The following ANGPT4 variants were observed in gnomAD, a reference collection of about 807,000 sequenced individuals.
ANGPT4 encodes angiopoietin 4.
A neutral mutation model predicts 53.0 loss-of-function variants in ANGPT4; 50 were observed. The observed-to-expected ratio is 0.94, with a 90% CI of 0.75 to 1.20. ANGPT4 has a LOEUF of 1.20. Ranked by LOEUF, ANGPT4 falls within the 50% of genes most tolerant of loss-of-function variation. The probability of loss-of-function intolerance (pLI) is 0.00; values close to 1 mark genes in which losing one functional copy is unlikely to be tolerated. For missense variants in ANGPT4, 648 were observed against 637.1 expected (o/e 1.02, Z -0.18); for synonymous variants, 251 against 259.7 (o/e 0.97, Z 0.32).
Position 888,298 on chromosome 20 carries a change from G to A in ANGPT4, c.587+20C>T. On this transcript the variant is annotated intron_variant, in intron 3 of 8. Transcript: ENST00000381922. ...CAGCCCCAGCCCCTGTCCTAGTCTG[G>A]TGCCAGGTGCCACACCCACCTGTTT... 6.2e-7 allele frequency: 1 copy of A among 1,608,948 alleles called. No individual in the cohort carries two copies. Among genetic ancestry groups the A allele is most frequent in the Middle Eastern group, 1.7e-4 (1 of 5,874 alleles).
intron 2 of ANGPT4, 76 bp from the exon 3 acceptor site, chr20:888,515 C>T: frequency 6.6e-7 from 1 of 1,525,640 alleles, no homozygotes; most frequent in Non-Finnish European, 8.7e-7. Flanking sequence ...CACCTGCCCA[C>T]AGGCCCTGCC....
intron 1 of ANGPT4, among the ~76,000 whole-genome samples, chr20:905,295 C>T (rs1202943122): frequency 1.3e-5 from 2 of 152,224 alleles, no homozygotes; most frequent in African/African-American, 4.8e-5. Context: ...AGAGGTTTGT[C>T]TGCCCTGTTC....
At chr20:880,325 A>G (rs1255812361) in intron 5 of ANGPT4, among the ~76,000 whole-genome samples, 1 of 152,192 alleles carries the variant, frequency 6.6e-6, no homozygotes, top group Non-Finnish European at 1.5e-5. Flanking sequence ...AAATAGAGCA[A>G]TGGTAATACT....
intron 1 of ANGPT4, 129 bp from the exon 2 acceptor site, chr20:890,497 G>A: frequency 2.5e-6 from 2 of 803,228 alleles, no homozygotes; most frequent in Non-Finnish European, 1.9e-6. Context: ...TGCCGGGCCA[G>A]GTCAGGCCAC....
chr20:872,756 C>A lies in ANGPT4; in HGVS notation c.*204G>T. 2 of 614,478 alleles carry A rather than the reference C, an allele frequency of 3.3e-6. No homozygotes were observed. The highest frequency in any genetic ancestry group is 5.7e-6 in the Non-Finnish European group (2 of 353,244). 38.1% of individuals were successfully genotyped at this position (614,478 alleles called of 1,614,324 possible). ...GCGAGGACTACATCAGAGGGATGGGCCCCGAACACCCTCCATGTCACAGAC... is the reference window on the plus strand; with the variant it reads ...GCGAGGACTACATCAGAGGGATGGGACCCGAACACCCTCCATGTCACAGAC... On this transcript the variant is annotated 3_prime_UTR_variant, in exon 9 of 9. Transcript: ENST00000381922.
chr20:878,153 G>A lies in ANGPT4; in HGVS notation c.1220+8C>T, dbSNP rs369256804. The A allele has an allele frequency of 9.1e-5, 144 of 1,582,482 alleles. No individual in the cohort carries two copies. The highest frequency in any genetic ancestry group is 1.3e-4 in the Admixed American group (8 of 59,464). Reference sequence around the variant, plus strand: ...CAGCCCCCACAACGGCCTGGGCCCCGAACCCACCTGTATAGCTGGTTCTCA... The same window carrying A: ...CAGCCCCCACAACGGCCTGGGCCCCAAACCCACCTGTATAGCTGGTTCTCA... On this transcript the variant is annotated splice_region_variant and intron_variant, in intron 7 of 8. Coordinates refer to ENST00000381922, the MANE Select transcript of ANGPT4 (RefSeq NM_015985.4).
rs1016129639 is a variant in ANGPT4 at position 911,362 on chromosome 20, G to C, written c.309+4544C>G. The stretch of plus-strand genomic sequence containing the variant: ...CCCTCTCTGCTTGGCTTTGGGTGCA[G>C]AGGAGGAAGAGAAAGAGGCCTCGGC... On this transcript the variant is annotated intron_variant, in intron 1 of 8. Coordinates refer to ENST00000381922, the MANE Select transcript of ANGPT4 (RefSeq NM_015985.4). This position sits in a 1 kb window ranked among gnomAD's most constrained non-coding sequence, Gnocchi z 4.9. 1.6e-4 allele frequency among the ~76,000 whole-genome samples: 25 copies of C among 152,226 alleles called. No homozygotes were observed. Among genetic ancestry groups the C allele is most frequent in the African/African-American group, 5.5e-4 (23 of 41,470 alleles).
At chr20:875,630 C>T (rs543235643) in intron 7 of ANGPT4, among the ~76,000 whole-genome samples, 1 of 152,300 alleles carries the variant, frequency 6.6e-6, no homozygotes, top group African/African-American at 2.4e-5. Flanking sequence ...GTGCTGCCCT[C>T]GTTTATTATT....
At chr20:894,596 G>A (rs1217637873) in intron 1 of ANGPT4, among the ~76,000 whole-genome samples, 1 of 152,104 alleles carries the variant, frequency 6.6e-6, no homozygotes, top group Non-Finnish European at 1.5e-5. Context: ...TAGCTGTATC[G>A]AGTTTGGTCT....
intron 8 of ANGPT4, among the ~76,000 whole-genome samples, chr20:873,337 G>A (rs927580159): frequency 1.3e-5 from 2 of 152,092 alleles, no homozygotes; most frequent in Admixed American, 1.3e-4. Flanking sequence ...AAGGGGCTCT[G>A]GCCACTCCTC....
chr20:879,665 G>T (rs567148755), intron 6 of ANGPT4, 82 bp downstream of exon 6: 59 of 1,196,598 alleles, frequency 4.9e-5, no homozygotes, highest in Non-Finnish European at 6.7e-5. Flanking sequence ...AGGAATGAGG[G>T]CAAAGCAGTC....
intron 1 of ANGPT4, among the ~76,000 whole-genome samples, chr20:909,693 A>G (rs771378297): frequency 6.6e-5 from 10 of 152,330 alleles, no homozygotes; most frequent in Middle Eastern, 3.4e-3. Context: ...AAACCGAGTC[A>G]CAGAGTGGAA....
chr20:874,240 G>A, intron 8 of ANGPT4, 44 bp downstream of exon 8: 1 of 1,609,984 alleles, frequency 6.2e-7, no homozygotes, highest in Admixed American at 1.7e-5. Flanking sequence ...GTCAATCTGG[G>A]TGAGCCTGTG....
At chr20:879,557 T>C (rs1187676945) in intron 6 of ANGPT4, among the ~76,000 whole-genome samples, 190 bp downstream of exon 6, 3 of 152,144 alleles carry the variant, frequency 2.0e-5, no homozygotes, top group East Asian at 1.9e-4. Context: ...TTAGAACATA[T>C]GTCAGAACTT....
At chr20:894,998 C>T (rs1367971065) in intron 1 of ANGPT4, among the ~76,000 whole-genome samples, 3 of 152,098 alleles carry the variant, frequency 2.0e-5, no homozygotes, top group South Asian at 2.1e-4. Context: ...TTGCCACACC[C>T]GCCCACCAGC....
chr20:883,994 TCC>T (rs766525987), intron 4 of ANGPT4, among the ~76,000 whole-genome samples: 1 of 152,194 alleles, frequency 6.6e-6, no homozygotes, highest in East Asian at 1.9e-4. Context: ...TGCCCTCAAA[TCC>T]CTGTCAGCCC....
rs1168367564 is a variant in ANGPT4 at position 914,051 on chromosome 20, G to C, written c.309+1855C>G. On this transcript the variant is annotated intron_variant, in intron 1 of 8. Transcript: ENST00000381922. This position sits in a 1 kb window ranked among gnomAD's most constrained non-coding sequence, Gnocchi z 5.0. ...ATTTTGTGTCATCACGGAGCAGGAT[G>C]GAGACCTGGGACCTGAGAGATTGGA... Among the ~76,000 whole-genome samples the C allele has an allele frequency of 2.6e-5, 4 of 152,148 alleles. No homozygotes were observed. The highest frequency in any genetic ancestry group is 2.9e-5 in the Non-Finnish European group (2 of 68,024).
In ANGPT4 at chr20:908,532, G is replaced by A. The variant is rs114954148; in HGVS notation, c.309+7374C>T. Among the ~76,000 whole-genome samples, 1,967 of 152,222 alleles carry A rather than the reference G, an allele frequency of 0.013. 39 individuals carry two copies. Among genetic ancestry groups the A allele is most frequent in the African/African-American group, 0.037 (1,530 of 41,518 alleles). On this transcript the variant is annotated intron_variant, in intron 1 of 8. Coordinates refer to ENST00000381922, the MANE Select transcript of ANGPT4 (RefSeq NM_015985.4). This position sits in a 1 kb window ranked among gnomAD's most constrained non-coding sequence, Gnocchi z 4.9. ...AGCATCTCTCGGTCCCTCCTTCATG[G>A]CACATATCATGATTGATCGTTGCAC... is the stretch of plus-strand genomic sequence containing the variant.
chr20:873,134 G>A lies in ANGPT4; in HGVS notation c.1352-14C>T. ...CAAACCACCACCCTGGTGGAAGAGGGAGGACAGGCGCTTGGTGGAGGTGGG... is the reference window on the plus strand; with the variant it reads ...CAAACCACCACCCTGGTGGAAGAGGAAGGACAGGCGCTTGGTGGAGGTGGG... On this transcript the variant is annotated splice_polypyrimidine_tract_variant and intron_variant, in intron 8 of 8. Coordinates refer to ENST00000381922, the MANE Select transcript of ANGPT4 (RefSeq NM_015985.4). 6.2e-7 allele frequency: 1 copy of A among 1,612,918 alleles called. No homozygotes were observed. The highest frequency in any genetic ancestry group is 8.5e-7 in the Non-Finnish European group (1 of 1,179,624).
Sources: allele counts gnomAD v4.1 joint callset (sites outside exome capture counted in the v4.1 genomes callset), GRCh38; gene constraint gnomAD v4.1.1; non-coding constraint Gnocchi (gnomAD v3.1); transcripts MANE v1.5; gene names NCBI Gene and HGNC (gene_info 2026-07-23, HGNC 2026-07-21).